FGD3: variants seen among roughly 807,000 people sequenced by gnomAD.
The protein encoded by FGD3 is FYVE, RhoGEF and PH domain containing 3.
Under a neutral mutation model 71.8 loss-of-function variants are expected in FGD3, and 45 were observed. The observed-to-expected ratio is 0.63, with a 90% CI of 0.49 to 0.80. FGD3 has a LOEUF of 0.80. FGD3 is among the 30% of genes least tolerant of loss of function. The probability of loss-of-function intolerance (pLI) is 0.00; values close to 1 mark genes in which losing one functional copy is unlikely to be tolerated. For synonymous variants in FGD3, 378 were observed against 392.8 expected (o/e 0.96, Z 0.44); for missense variants, 844 against 951.5 (o/e 0.89, Z 1.49).
chr9:92,962,952 A>AG (rs1374956845), intron 1 of FGD3, among the ~76,000 whole-genome samples: 53 of 148,412 alleles, frequency 3.6e-4, no homozygotes, highest in East Asian at 8.8e-4. Context: ...AAAAAAAAAA[A>AG]AAAAGAAAAG....
At chr9:93,011,089 G>C in intron 7 of FGD3, 125 bp from the exon 8 acceptor site, 1 of 977,430 alleles carries the variant, frequency 1.0e-6, no homozygotes, top group Non-Finnish European at 1.6e-6. Flanking sequence ...AGTAGCCCAG[G>C]CACCCTGGGA....
At chr9:93,009,234 GC>G (rs1461730236) in intron 6 of FGD3, among the ~76,000 whole-genome samples, 2 of 151,102 alleles carry the variant, frequency 1.3e-5, no homozygotes, top group Non-Finnish European at 2.9e-5. Context: ...TTGCACTCCA[GC>G]CCAGGCAACA....
At chr9:93,028,210 A>G (rs1329753085) in intron 14 of FGD3, among the ~76,000 whole-genome samples, 11 of 118,712 alleles carry the variant, frequency 9.3e-5, no homozygotes, top group South Asian at 9.0e-4. Flanking sequence ...ACACACACAC[A>G]CACACACGCA....
chr9:93,012,548 G>C (rs1276756515), intron 8 of FGD3, among the ~76,000 whole-genome samples: 1 of 152,154 alleles, frequency 6.6e-6, no homozygotes, highest in Non-Finnish European at 1.5e-5. Context: ...ACTTTGGAAG[G>C]CCGAGGTGGG....
At chr9:93,028,677 T>C (rs1209306670) in intron 14 of FGD3, among the ~76,000 whole-genome samples, 1 of 152,210 alleles carries the variant, frequency 6.6e-6, no homozygotes, top group Admixed American at 6.5e-5. Flanking sequence ...GTCGGGGTTT[T>C]ATGTACTGTG....
chr9:93,009,734 G>A (rs1455475457), intron 6 of FGD3, among the ~76,000 whole-genome samples: 1 of 152,214 alleles, frequency 6.6e-6, no homozygotes, highest in Non-Finnish European at 1.5e-5. Context: ...GAGCGCGAGG[G>A]TCTCAGCACC....
chr9:93,030,713 G>A (rs199802985), intron 15 of FGD3, among the ~76,000 whole-genome samples: 1,661 of 137,882 alleles, frequency 0.012, 48 homozygotes, highest in African/African-American at 0.041. Flanking sequence ...ATGGCGGGGG[G>A]GCAGCAGGGG....
At chr9:92,979,030 G>T (rs1471820814) in intron 3 of FGD3, among the ~76,000 whole-genome samples, 1 of 151,436 alleles carries the variant, frequency 6.6e-6, no homozygotes, top group Admixed American at 6.6e-5. Flanking sequence ...GGATTTTTTA[G>T]TATAAAATCA....
chr9:92,985,451 A>C (rs890405079), intron 3 of FGD3, among the ~76,000 whole-genome samples: 4 of 152,144 alleles, frequency 2.6e-5, no homozygotes, highest in Non-Finnish European at 5.9e-5. Flanking sequence ...TTACAAAGAA[A>C]ACCTAGTTTT....
chr9:92,971,148 C>G (rs971821977), intron 1 of FGD3, among the ~76,000 whole-genome samples: 2 of 152,126 alleles, frequency 1.3e-5, no homozygotes, highest in Non-Finnish European at 2.9e-5. Flanking sequence ...TCCAAACATG[C>G]CTTCATTTTG....
chr9:92,950,788 T>A (rs1391261667), intron 1 of FGD3, among the ~76,000 whole-genome samples: 1 of 152,208 alleles, frequency 6.6e-6, no homozygotes, highest in Non-Finnish European at 1.5e-5. Context: ...CCAGTGCAGA[T>A]GAGTCCACCC....
At chr9:92,991,056 T>G (rs1016942174) in intron 3 of FGD3, among the ~76,000 whole-genome samples, 1 of 151,688 alleles carries the variant, frequency 6.6e-6, no homozygotes, top group African/African-American at 2.4e-5. Flanking sequence ...GGACTTTTTT[T>G]GTTTGGAGAT....
intron 1 of FGD3, among the ~76,000 whole-genome samples, chr9:92,960,930 T>A (rs1311348998): frequency 6.6e-6 from 1 of 150,532 alleles, no homozygotes; most frequent in Non-Finnish European, 1.5e-5. Context: ...CTCCTGGTGA[T>A]TGGGTGCTCC....
chr9:92,984,112 G>T (rs1255690195), intron 3 of FGD3, among the ~76,000 whole-genome samples: 1 of 152,226 alleles, frequency 6.6e-6, no homozygotes, highest in African/African-American at 2.4e-5. Flanking sequence ...GATACAGCTA[G>T]CTCTGTATGT....
chr9:93,016,767 G>A (rs1193975287), intron 10 of FGD3, among the ~76,000 whole-genome samples: 2 of 151,820 alleles, frequency 1.3e-5, no homozygotes, highest in East Asian at 1.9e-4. Context: ...GTGATTACAG[G>A]TGCGCGCCAC....
chr9:92,982,367 T>G (rs959784893), intron 3 of FGD3, among the ~76,000 whole-genome samples: 1 of 152,250 alleles, frequency 6.6e-6, no homozygotes, highest in Non-Finnish European at 1.5e-5. Context: ...TACCACATTT[T>G]CCTTATTCAC....
chr9:92,960,126 G>T (rs906275972), intron 1 of FGD3, among the ~76,000 whole-genome samples: 1 of 151,172 alleles, frequency 6.6e-6, no homozygotes, highest in African/African-American at 2.4e-5. Context: ...CTCATGTCAT[G>T]TCCCTGTGTC....
chr9:92,956,213 C>T (rs983692656), intron 1 of FGD3, among the ~76,000 whole-genome samples: 7 of 152,122 alleles, frequency 4.6e-5, no homozygotes, highest in Non-Finnish European at 1.0e-4. Context: ...TTATTTCTTC[C>T]TTTCTGCTCA....
At chr9:92,950,335 T>C (rs1858931843) in intron 1 of FGD3, among the ~76,000 whole-genome samples, 1 of 151,236 alleles carries the variant, frequency 6.6e-6, no homozygotes, top group African/African-American at 2.4e-5. Context: ...GAGAATGGCT[T>C]GAACCCGGGA....
Sources: gnomAD v4.1 joint callset for allele counts (sites outside exome capture counted in the v4.1 genomes callset) on GRCh38, gnomAD v4.1.1 for gene constraint, MANE v1.5 for transcripts, NCBI Gene and HGNC (gene_info 2026-07-23, HGNC 2026-07-21) for gene names.